Variants in ZNF429 observed in about 807,000 individuals in gnomAD.
ZNF429 encodes the protein zinc finger protein 429.
Under a neutral mutation model 56.8 loss-of-function variants are expected in ZNF429, and 53 were observed. The observed-to-expected ratio is 0.93, with a 90% confidence interval of 0.75 to 1.17. The LOEUF (loss-of-function observed/expected upper bound fraction) is 1.17. Among genes scored for constraint, ZNF429 ranks in the 50% most tolerant of loss-of-function variants. ZNF429 has a pLI of 0.00. For synonymous variants in ZNF429, 278 were observed against 264.7 expected (o/e 1.05, Z -0.49); for missense variants, 849 against 788.4 (o/e 1.08, Z -0.92).
intron 3 of ZNF429, among the ~76,000 whole-genome samples, chr19:21,533,000 T>A: frequency 1.3e-4 from 12 of 91,758 alleles, no homozygotes; most frequent in Admixed American, 2.1e-4. Flanking sequence ...CGGTCCAAAT[T>A]TTTTTTTTTT....
chr19:21,511,561 C>T (rs530528037), intron 1 of ZNF429, among the ~76,000 whole-genome samples: 9 of 151,656 alleles, frequency 5.9e-5, no homozygotes, highest in East Asian at 2.0e-4. Context: ...GATGGGATGG[C>T]GGCTGGACAG....
intron 1 of ZNF429, among the ~76,000 whole-genome samples, chr19:21,525,918 C>T (rs1252095864): frequency 1.3e-5 from 2 of 152,306 alleles, no homozygotes; most frequent in Non-Finnish European, 2.9e-5. Flanking sequence ...TTATTAAACA[C>T]TTAGTACCAA....
intron 3 of ZNF429, among the ~76,000 whole-genome samples, chr19:21,532,354 C>T: frequency 0.2 from 29,849 of 151,784 alleles, 3,014 homozygotes; most frequent in African/African-American, 0.22. Flanking sequence ...CATCATACTT[C>T]ATAATGTCAA....
chr19:21,510,284 G>A, intron 1 of ZNF429, among the ~76,000 whole-genome samples: 1 of 152,134 alleles, frequency 6.6e-6, no homozygotes, highest in East Asian at 1.9e-4. Flanking sequence ...GTTCTTAGAA[G>A]GGAAGTAGAA....
chr19:21,537,881 C>A lies in ZNF429; in HGVS notation c.1828C>A (p.Gln610Lys). The change falls in exon 4 of 4, where the codon CAA becomes AAA. Residue 610 changes from glutamine (Q) to lysine (K), a missense_variant. Gln to Lys is a moderately conservative substitution (Grantham distance 53). Transcript: ENST00000358491. ...TTTTAATCGGTCCTCAAGACTTACT[C>A]AACATAAGAAAATTCATACTAGAGA... ...KAFNRSSRLTQHKKIHTREKP... is the reference protein window; with the variant it reads ...KAFNRSSRLTKHKKIHTREKP... The A allele has an allele frequency of 6.2e-7, 1 of 1,613,818 alleles. No individual in the cohort carries two copies. The highest frequency in any genetic ancestry group is 1.1e-5 in the South Asian group (1 of 91,074).
At chr19:21,515,240 C>CT (rs35926199) in intron 1 of ZNF429, among the ~76,000 whole-genome samples, 27,944 of 127,938 alleles carry the variant, frequency 0.22, 3,061 homozygotes, top group African/African-American at 0.3. Context: ...TGTGCCTGGC[C>CT]TTTTTTTTTT....
intron 1 of ZNF429, among the ~76,000 whole-genome samples, chr19:21,523,244 T>G (rs1007272628): frequency 3.3e-5 from 5 of 152,232 alleles, no homozygotes; most frequent in African/African-American, 1.2e-4. Flanking sequence ...AATCTGCAGA[T>G]GGAAATTCTG....
intron 1 of ZNF429, among the ~76,000 whole-genome samples, chr19:21,512,007 A>G (rs1306963774): frequency 6.6e-6 from 1 of 152,216 alleles, no homozygotes; most frequent in African/African-American, 2.4e-5. Flanking sequence ...GGGAGGTTGC[A>G]GTGAGCTGAG....
chr19:21,508,803 G>C (rs2032313211), intron 1 of ZNF429, among the ~76,000 whole-genome samples: 1 of 151,880 alleles, frequency 6.6e-6, no homozygotes, highest in South Asian at 2.1e-4. Context: ...CATTTTGGCT[G>C]TAGAAAATGA....
intron 1 of ZNF429, among the ~76,000 whole-genome samples, chr19:21,514,416 A>G (rs1033493463): frequency 6.6e-6 from 1 of 152,258 alleles, no homozygotes; most frequent in African/African-American, 2.4e-5. Flanking sequence ...TAGCTCTTAT[A>G]AATGAGAACA....
rs2145499517 is a variant in ZNF429 at position 21,540,204 on chromosome 19, T to C, written c.*2126T>C. ...AGACTATTGTGCATTTAATGAAGCATTATTATGCTATCAACTTTAACCTAT... is the reference window on the plus strand; with the variant it reads ...AGACTATTGTGCATTTAATGAAGCACTATTATGCTATCAACTTTAACCTAT... On this transcript the variant is annotated 3_prime_UTR_variant, in exon 4 of 4. Transcript: ENST00000358491. 6.6e-6 allele frequency among the ~76,000 whole-genome samples: 1 copy of C among 152,154 alleles called. No homozygotes were observed. Among genetic ancestry groups the C allele is most frequent in the East Asian group, 1.9e-4 (1 of 5,202 alleles).
At position 21,539,664 on chromosome 19, in the gene ZNF429, C is replaced by A. The variant is rs1005253738; in HGVS notation, c.*1586C>A. Among the ~76,000 whole-genome samples, 1 of 151,430 alleles carries A rather than the reference C, an allele frequency of 6.6e-6. No homozygotes were observed. The highest frequency in any genetic ancestry group is 1.5e-5 in the Non-Finnish European group (1 of 67,952). On this transcript the variant is annotated 3_prime_UTR_variant, in exon 4 of 4. Coordinates refer to ENST00000358491, the MANE Select transcript of ZNF429 (RefSeq NM_001001415.4). ...CAGGGTGGTCTCAAACTCTTCATCT[C>A]AAGTGATCTGCCCACCTTGGCCTCC...
At chr19:21,519,489 A>C (rs558600615) in intron 1 of ZNF429, among the ~76,000 whole-genome samples, 166 of 152,326 alleles carry the variant, frequency 1.1e-3, no homozygotes, top group African/African-American at 3.8e-3. Flanking sequence ...ACATAGTAAG[A>C]GTCATATGTA....
intron 1 of ZNF429, among the ~76,000 whole-genome samples, chr19:21,514,414 A>ATAAGAGC (rs1344960857): frequency 1.3e-5 from 2 of 152,210 alleles, no homozygotes; most frequent in African/African-American, 4.8e-5. Flanking sequence ...TTTAGCTCTT[A>ATAAGAGC]TAAATGAGAA....
intron 3 of ZNF429, among the ~76,000 whole-genome samples, chr19:21,534,934 C>T: frequency 9.3e-5 from 14 of 150,722 alleles, no homozygotes; most frequent in Admixed American, 1.3e-4. Flanking sequence ...CTCAGCCTCC[C>T]GAGTAGCTGG....
chr19:21,519,278 C>T (rs2032897276), intron 1 of ZNF429, among the ~76,000 whole-genome samples: 1 of 152,192 alleles, frequency 6.6e-6, no homozygotes, highest in Admixed American at 6.5e-5. Flanking sequence ...TGGAGACTCT[C>T]CCAGCATTCC....
chr19:21,531,106 C>CAAAAAAAAAAACAAAACAAAAAAA, intron 3 of ZNF429, among the ~76,000 whole-genome samples: 2 of 17,560 alleles, frequency 1.1e-4, no homozygotes, highest in African/African-American at 6.1e-4. Context: ...AACTCCATCT[C>CAAAAAAAAAAACAAAACAAAAAAA]AAAAAAAAAA....
chr19:21,539,151 A>G lies in ZNF429; in HGVS notation c.*1073A>G, dbSNP rs140214953. Among the ~76,000 whole-genome samples, 478 of 151,744 alleles carry G rather than the reference A, an allele frequency of 3.2e-3. 1 individual carries two copies. The highest frequency in any genetic ancestry group is 0.011 in the African/African-American group (455 of 41,070). On this transcript the variant is annotated 3_prime_UTR_variant, in exon 4 of 4. Transcript: ENST00000358491. ...ATGGCCATATGTATAAAAATATTTA[A>G]TTCAAAATTGAATTTAAAAAGTCTA...
chr19:21,534,393 T>C lies in ZNF429; in HGVS notation c.227-1887T>C. On this transcript the variant is annotated intron_variant, in intron 3 of 3. Coordinates refer to ENST00000358491, the MANE Select transcript of ZNF429 (RefSeq NM_001001415.4). ...GTCTTTTAAATTTTATTTGTTGTTT[T>C]GAGACAGGAGCTTACTCTGTCACCC... Among the ~76,000 whole-genome samples, 3 of 110,306 alleles carry C rather than the reference T, an allele frequency of 2.7e-5. 1 individual carries two copies. Among genetic ancestry groups the C allele is most frequent in the African/African-American group, 1.0e-4 (3 of 29,774 alleles). 72.4% of individuals were successfully genotyped at this position (110,306 alleles called of 152,430 possible). A position where few individuals can be genotyped will look rare whatever the true frequency, so the allele number is the denominator to read the frequency against.
Sources: gnomAD v4.1 joint callset for allele counts (sites outside exome capture counted in the v4.1 genomes callset) on GRCh38, gnomAD v4.1.1 for gene constraint, MANE v1.5 for transcripts, NCBI Gene and HGNC (gene_info 2026-07-23, HGNC 2026-07-21) for gene names.